Variants in SLC6A12 observed in about 807,000 individuals in gnomAD.
SLC6A12 encodes solute carrier family 6 member 12.
SLC6A12 carries 50 observed loss-of-function variants against 73.3 expected under a neutral mutation model. The ratio of observed to expected loss-of-function variants is 0.68; its 90% CI spans 0.54 to 0.86. The LOEUF (loss-of-function observed/expected upper bound fraction) is 0.86, where lower values mean the gene tolerates loss of function less well. Among genes scored for constraint, SLC6A12 ranks in the 40% least tolerant of loss-of-function variants. The pLI is 0.00. For missense variants in SLC6A12, 648 were observed against 772.8 expected (o/e 0.84, Z 1.92); for synonymous variants, 304 against 309.2 (o/e 0.98, Z 0.18).
chr12:186,247 C>T (rs1369525169), downstream of SLC6A12, among the ~76,000 whole-genome samples: 5 of 152,154 alleles, frequency 3.3e-5, no homozygotes, highest in Admixed American at 1.3e-4. Context: ...CCACAGTGCA[C>T]GCTAAAGCTC....
chr12:206,845 A>G (rs1379657775), intron 3 of SLC6A12, among the ~76,000 whole-genome samples: 1 of 152,242 alleles, frequency 6.6e-6, no homozygotes, highest in Non-Finnish European at 1.5e-5. Flanking sequence ...GGCACTTTAC[A>G]GGATGTCTGT....
chr12:188,546 GCTC>G (rs1319923328), downstream of SLC6A12, among the ~76,000 whole-genome samples: 2 of 152,346 alleles, frequency 1.3e-5, no homozygotes, highest in East Asian at 3.9e-4. Flanking sequence ...GGGCTGAAGG[GCTC>G]CTCAAGCGCA....
At chr12:184,827 G>A in the SLC6A12 span, among the ~76,000 whole-genome samples, 1 of 152,126 alleles carries the variant, frequency 6.6e-6, no homozygotes, top group Non-Finnish European at 1.5e-5. Flanking sequence ...CAGCTACTGG[G>A]GAGGATGAGG....
chr12:188,095 C>A (rs1591772719), downstream of SLC6A12, among the ~76,000 whole-genome samples: 1 of 152,226 alleles, frequency 6.6e-6, no homozygotes, highest in South Asian at 2.1e-4. Context: ...GGAGCTGCCT[C>A]CCAGTCCGGT....
chr12:187,397 G>T (rs1467867664), downstream of SLC6A12, among the ~76,000 whole-genome samples: 1 of 151,828 alleles, frequency 6.6e-6, no homozygotes, highest in Non-Finnish European at 1.5e-5. Flanking sequence ...GCTCCGGAGT[G>T]AAACTGCGGA....
intron 7 of SLC6A12, among the ~76,000 whole-genome samples, chr12:200,315 A>G (rs531938599): frequency 5.1e-4 from 77 of 151,790 alleles, no homozygotes; most frequent in Non-Finnish European, 9.4e-4. Flanking sequence ...TTACCGTGTT[A>G]GCCAGGATGG....
At chr12:200,284 A>G (rs1192014124) in intron 7 of SLC6A12, among the ~76,000 whole-genome samples, 1 of 150,292 alleles carries the variant, frequency 6.7e-6, no homozygotes, top group Non-Finnish European at 1.5e-5. Flanking sequence ...AATTTTTTGT[A>G]TTTTTAGTAG....
chr12:206,801 C>T (rs556978994), intron 3 of SLC6A12, among the ~76,000 whole-genome samples: 119 of 152,322 alleles, frequency 7.8e-4, no homozygotes, highest in Middle Eastern at 3.4e-3. Context: ...GGGTAGCACT[C>T]GGTAGAGGGA....
chr12:195,205 C>A lies in SLC6A12; in HGVS notation c.1429+20G>T. 6.7e-7 allele frequency: 1 copy of A among 1,493,302 alleles called. No homozygotes were observed. The highest frequency in any genetic ancestry group is 1.7e-5 in the Admixed American group (1 of 59,722). The allele number at this position is 1,493,302 out of a possible 1,614,324, so 92.5% of individuals were successfully genotyped here. On this transcript the variant is annotated intron_variant, in intron 13 of 15. Transcript: ENST00000684302. ...GTCTTTCTCCCACCCTGCTTTCCCACCCCACTCCACCCCACTCACCATACA... is the reference window on the plus strand; with the variant it reads ...GTCTTTCTCCCACCCTGCTTTCCCAACCCACTCCACCCCACTCACCATACA...
At chr12:203,186 C>A in intron 4 of SLC6A12, 1 of 203,570 alleles carries the variant, frequency 4.9e-6, no homozygotes, top group Non-Finnish European at 9.7e-6. Context: ...CCCACCTCAG[C>A]CTCCGGAGTA....
downstream of SLC6A12, among the ~76,000 whole-genome samples, chr12:187,589 C>CAA (rs761187495): frequency 8.2e-4 from 87 of 106,026 alleles, 3 homozygotes; most frequent in African/African-American, 2.3e-3. Context: ...TGCAAAAGAG[C>CAA]AAAAAAAAAA....
chr12:201,825 T>G lies in SLC6A12; in HGVS notation c.515A>C (p.His172Pro), dbSNP rs1214912708. ...TGGGGTCACTGTGCCGGCTCCTGAG[T>G]GGTTCAGAAAGTCCGTGCAATGCTC... is the stretch of plus-strand genomic sequence containing the variant. ...NTEHCTDFLN[H>P]SGAGTVTPFE... is the part of the protein sequence containing the mutation. The change falls in exon 6 of 16, where the codon CAC becomes CCC. Residue 172 changes from histidine (H) to proline (P), a missense_variant. Coordinates refer to ENST00000684302, the MANE Select transcript of SLC6A12 (RefSeq NM_001122848.3). 3.7e-6 allele frequency: 6 copies of G among 1,613,794 alleles called. No homozygotes were observed. Among genetic ancestry groups the G allele is most frequent in the African/African-American group, 1.3e-5 (1 of 74,828 alleles).
the SLC6A12 span, among the ~76,000 whole-genome samples, chr12:184,692 A>G: frequency 4.6e-5 from 7 of 152,152 alleles, no homozygotes; most frequent in African/African-American, 1.4e-4. Context: ...GGAGCTTGCA[A>G]TGAGCTGAGA....
chr12:188,618 T>C (rs1053223905), downstream of SLC6A12, among the ~76,000 whole-genome samples: 7 of 152,190 alleles, frequency 4.6e-5, no homozygotes, highest in African/African-American at 1.4e-4. Flanking sequence ...CGCTGTCACC[T>C]CTCAAAAGCA....
At position 200,794 on chromosome 12, in the gene SLC6A12, G is replaced by C. The variant is rs761788601; in HGVS notation, c.579-11C>G. 1 of 1,611,476 alleles carries C rather than the reference G, an allele frequency of 6.2e-7. No individual in the cohort carries two copies. Among genetic ancestry groups the C allele is most frequent in the Non-Finnish European group, 8.5e-7 (1 of 1,179,224 alleles). On this transcript the variant is annotated splice_polypyrimidine_tract_variant and intron_variant, in intron 6 of 15. Coordinates refer to ENST00000684302, the MANE Select transcript of SLC6A12 (RefSeq NM_001122848.3). The stretch of plus-strand genomic sequence containing the variant: ...CCCAGAACTCGTCTCCTGGAGGATT[G>C]GGAAAAATAAGTAATGAGGGGAAAG...
Position 200,801 on chromosome 12 carries a change from A to G in SLC6A12, c.579-18T>C, listed in dbSNP as rs755216393. On this transcript the variant is annotated intron_variant, in intron 6 of 15. Coordinates refer to ENST00000684302, the MANE Select transcript of SLC6A12 (RefSeq NM_001122848.3). Reference sequence around the variant, plus strand: ...CTCGTCTCCTGGAGGATTGGGAAAAATAAGTAATGAGGGGAAAGGCTAAAG... The same window carrying G: ...CTCGTCTCCTGGAGGATTGGGAAAAGTAAGTAATGAGGGGAAAGGCTAAAG... 1 of 1,611,562 alleles carries G rather than the reference A, an allele frequency of 6.2e-7. No individual in the cohort carries two copies. Among genetic ancestry groups the G allele is most frequent in the East Asian group, 2.2e-5 (1 of 44,810 alleles).
downstream of SLC6A12, among the ~76,000 whole-genome samples, chr12:187,586 GAGCAAAAAAAAAAAAAAAAAAAAAAAAA>G (rs1939453517): frequency 1.2e-5 from 1 of 82,772 alleles, no homozygotes; most frequent in Non-Finnish European, 2.0e-5. Flanking sequence ...TACTGCAAAA[GAGCAAAAAAAAAAAAAAAAAAAAAAAAA>G]AAAAAAAAAA....
In SLC6A12 at chr12:209,779, C is replaced by T. The variant is rs374785609; in HGVS notation, c.208G>A (p.Gly70Arg). The change falls in exon 3 of 16, where the codon GGA becomes AGA. Residue 70 changes from glycine to arginine, a missense_variant. By Grantham distance (125) the Gly-to-Arg change is moderately radical. Transcript: ENST00000684302. ...TACCTCAAAGTGAACTCACCACCTCCGTTTTTGTAGCAGAGATAGGGAAAC... is the reference window on the plus strand; with the variant it reads ...TACCTCAAAGTGAACTCACCACCTCTGTTTTTGTAGCAGAGATAGGGAAAC... ...WRFPYLCYKN[G>R]GGAFFIPYFI... 4 of 1,614,216 alleles carry T rather than the reference C, an allele frequency of 2.5e-6. No individual in the cohort carries two copies.
chr12:186,628 A>G (rs973533434), downstream of SLC6A12, among the ~76,000 whole-genome samples: 19 of 152,188 alleles, frequency 1.2e-4, no homozygotes, highest in African/African-American at 4.6e-4. Context: ...GCTGTTGACC[A>G]TTAGTGGGAG....
Sources: allele counts gnomAD v4.1 joint callset (sites outside exome capture counted in the v4.1 genomes callset), GRCh38; gene constraint gnomAD v4.1.1; transcripts MANE v1.5; gene names NCBI Gene and HGNC (gene_info 2026-07-23, HGNC 2026-07-21).